Variants in MFGE8 observed in about 807,000 individuals in gnomAD.
MFGE8 encodes the protein milk fat globule EGF and factor V/VIII domain containing.
A neutral mutation model predicts 42.6 loss-of-function variants in MFGE8; 34 were observed. That is an observed-to-expected ratio of 0.80 (90% confidence interval 0.61 to 1.06). The LOEUF is 1.06. Among genes scored for constraint, MFGE8 ranks in the 50% least tolerant of loss-of-function variants. The probability of loss-of-function intolerance (pLI) is 0.00; values close to 1 mark genes in which losing one functional copy is unlikely to be tolerated. For missense variants in MFGE8, 510 were observed against 516.9 expected (o/e 0.99, Z 0.13); for synonymous variants, 230 against 214.8 (o/e 1.07, Z -0.62).
intron 2 of MFGE8, among the ~76,000 whole-genome samples, chr15:88,907,717 A>G (rs1345578817): frequency 9.7e-6 from 1 of 103,286 alleles, no homozygotes; most frequent in African/African-American, 3.9e-5. Flanking sequence ...CCCCCCCGCC[A>G]GGCTGTGGGA....
chr15:88,899,643 G>A lies in MFGE8; in HGVS notation c.1026+13C>T. 5 of 1,614,152 alleles carry A rather than the reference G, an allele frequency of 3.1e-6. No homozygotes were observed. In the South Asian group the frequency reaches 5.5e-5, roughly 18 times the overall value. On this transcript the variant is annotated intron_variant, in intron 7 of 7. Transcript: ENST00000268150. This position sits in a 1 kb window ranked among gnomAD's most constrained non-coding sequence, Gnocchi z 6.8. ...AGGAATGGCAAAGGGTGGGCAGCTG[G>A]ACAGACACCCACCTTACTGCTGCCA...
chr15:88,907,711 C>CCG (rs770816926), intron 2 of MFGE8, among the ~76,000 whole-genome samples: 9 of 151,250 alleles, frequency 6.0e-5, no homozygotes, highest in Non-Finnish European at 1.0e-4. Flanking sequence ...TAGAGTCCCC[C>CCG]CCGCCAGGCT....
Position 88,905,640 on chromosome 15 carries a change from C to A in MFGE8, c.685+117G>T. ...GTGCGTTGCCCGAGTGAAGCCTGGT[C>A]CCCGTGCCTTGTTGCTGCCCTACCT... On this transcript the variant is annotated intron_variant, in intron 5 of 7. Transcript: ENST00000268150. This position sits in a 1 kb window ranked among gnomAD's most constrained non-coding sequence, Gnocchi z 6.6. The A allele has an allele frequency of 1.4e-6, 2 of 1,402,312 alleles. No homozygotes were observed. The highest frequency in any genetic ancestry group is 1.2e-5 in the South Asian group (1 of 84,944). 86.9% of individuals were successfully genotyped at this position (1,402,312 alleles called of 1,614,324 possible). A position where few individuals can be genotyped will look rare whatever the true frequency, so the allele number is the denominator to read the frequency against.
chr15:88,908,973 G>A (rs4932450), intron 2 of MFGE8, among the ~76,000 whole-genome samples: 37,128 of 151,968 alleles, frequency 0.24, 4,930 homozygotes, highest in South Asian at 0.3. Flanking sequence ...GATGTCCCCT[G>A]TCCCCTACCC....
At chr15:88,911,949 T>TCATTGGCTTTA (rs1898980168) in intron 1 of MFGE8, among the ~76,000 whole-genome samples, 1 of 152,086 alleles carries the variant, frequency 6.6e-6, no homozygotes, top group African/African-American at 2.4e-5. Context: ...AAATAGCAGG[T>TCATTGGCTTTA]AATCCTTCCT....
chr15:88,899,888 A>G lies in MFGE8; in HGVS notation c.871-77T>C. 6.4e-7 allele frequency: 1 copy of G among 1,566,576 alleles called. No homozygotes were observed. Among genetic ancestry groups the G allele is most frequent in the South Asian group, 1.1e-5 (1 of 88,608 alleles). On this transcript the variant is annotated intron_variant, in intron 6 of 7. Transcript: ENST00000268150. This position sits in a 1 kb window ranked among gnomAD's most constrained non-coding sequence, Gnocchi z 6.8. ...TGAAAAGAGGCAGACACACTGAGGC[A>G]TGAATTCTAGTTTTGAAAAAAACTA... is the stretch of plus-strand genomic sequence containing the variant.
chr15:88,910,801 G>A (rs1030831156), intron 1 of MFGE8: 2 of 152,486 alleles, frequency 1.3e-5, no homozygotes, highest in Non-Finnish European at 2.9e-5. Flanking sequence ...GGCCAGACTG[G>A]GAGGGATCTG....
In MFGE8 at chr15:88,902,158, G is replaced by A. The variant is rs745561791; in HGVS notation, c.686-423C>T. 6 of 227,620 alleles carry A rather than the reference G, an allele frequency of 2.6e-5. No individual in the cohort carries two copies. Among genetic ancestry groups the A allele is most frequent in the East Asian group, 9.9e-5 (1 of 10,082 alleles). 14.1% of individuals were successfully genotyped at this position (227,620 alleles called of 1,614,324 possible). A position where few individuals can be genotyped will look rare whatever the true frequency, so the allele number is the denominator to read the frequency against. ...CCCCCATCGCCTCGGCCTCCCATCCGTCCCATGGCACAGTCACTATCTACT... is the reference window on the plus strand; with the variant it reads ...CCCCCATCGCCTCGGCCTCCCATCCATCCCATGGCACAGTCACTATCTACT... On this transcript the variant is annotated intron_variant, in intron 5 of 7. Transcript: ENST00000268150. The surrounding 1 kb of genome is among the most constrained non-coding windows in gnomAD (Gnocchi z 4.3).
At chr15:88,912,494 GA>G in intron 1 of MFGE8, 1 of 985,274 alleles carries the variant, frequency 1.0e-6, no homozygotes, top group South Asian at 4.7e-5. Flanking sequence ...TCCTGGCCCT[GA>G]CTCCCTCCCA....
intron 6 of MFGE8, 152 bp downstream of exon 6, chr15:88,901,399 G>T: frequency 1.4e-6 from 1 of 728,434 alleles, no homozygotes. Context: ...GTACAGGTGG[G>T]AAGAAGAAAG....
chr15:88,901,518 C>CCCCCCCCCCCAAA, intron 6 of MFGE8, 33 bp downstream of exon 6: 1 of 887,680 alleles, frequency 1.1e-6, no homozygotes, highest in Non-Finnish European at 1.8e-6. Flanking sequence ...TCCCACCCAA[C>CCCCCCCCCCCAAA]CCCAGCCCCA....
intron 1 of MFGE8, 54 bp downstream of exon 1, chr15:88,913,193 C>A: frequency 6.8e-7 from 1 of 1,477,866 alleles, no homozygotes; most frequent in Admixed American, 2.3e-5. Flanking sequence ...GGGCAAACTT[C>A]CGAGCGGCGC....
intron 6 of MFGE8, 43 bp downstream of exon 6, chr15:88,901,508 T>TGCCAC: frequency 9.7e-6 from 9 of 924,182 alleles, no homozygotes; most frequent in East Asian, 5.8e-5. Flanking sequence ...TCCCACCTCA[T>TGCCAC]CCCACCCAAC....
chr15:88,906,569 C>T lies in MFGE8; in HGVS notation c.540+57G>A, dbSNP rs749664891. 3 of 1,608,046 alleles carry T rather than the reference C, an allele frequency of 1.9e-6. No individual in the cohort carries two copies. Among genetic ancestry groups the T allele is most frequent in the South Asian group, 2.2e-5 (2 of 90,410 alleles). ...ACTCGCTGGGGGTCCTCAGTCAATG[C>T]TAGAACCTTAGGGGGTATGGACCAC... On this transcript the variant is annotated intron_variant, in intron 4 of 7. Transcript: ENST00000268150. The surrounding 1 kb of genome is among the most constrained non-coding windows in gnomAD (Gnocchi z 4.2).
At position 88,905,732 on chromosome 15, in the gene MFGE8, C is replaced by T. The variant is rs758077382; in HGVS notation, c.685+25G>A. On this transcript the variant is annotated intron_variant, in intron 5 of 7. Transcript: ENST00000268150. This position sits in a 1 kb window ranked among gnomAD's most constrained non-coding sequence, Gnocchi z 6.6. Reference sequence around the variant, plus strand: ...CTCCTAGGATTGGCCAACAGTGCCCCCCTACCCGCACCCCCAGCACTCACC... The same window carrying T: ...CTCCTAGGATTGGCCAACAGTGCCCTCCTACCCGCACCCCCAGCACTCACC... 1 of 1,613,770 alleles carries T rather than the reference C, an allele frequency of 6.2e-7. No homozygotes were observed. The highest frequency in any genetic ancestry group is 8.5e-7 in the Non-Finnish European group (1 of 1,179,974).
chr15:88,901,719 C>T lies in MFGE8; in HGVS notation c.702G>A (p.Leu234=), dbSNP rs764527680. Residue 234 remains leucine (L), a synonymous_variant, in exon 6 of 8, where the codon CTG becomes CTA. Transcript: ENST00000268150. ...CAGGGATGCTGTTATTCTTCAGGCC[C>T]AGGGGATTGGCGCATCCTGCCAGCA... ...GCELNGCANP[L]GLKNNSIPDK... 6.2e-7 allele frequency: 1 copy of T among 1,613,982 alleles called. No individual in the cohort carries two copies. The highest frequency in any genetic ancestry group is 8.5e-7 in the Non-Finnish European group (1 of 1,179,990).
At chr15:88,909,241 G>A (rs1208576115) in intron 2 of MFGE8, among the ~76,000 whole-genome samples, 1 of 152,198 alleles carries the variant, frequency 6.6e-6, no homozygotes, top group African/African-American at 2.4e-5. Flanking sequence ...GGCATGCAAG[G>A]CCTCTGACCA....
intron 6 of MFGE8, among the ~76,000 whole-genome samples, chr15:88,901,277 A>ATT (rs1567214933): frequency 4.9e-5 from 7 of 142,082 alleles, no homozygotes; most frequent in East Asian, 2.1e-4. Context: ...GCATTCACAC[A>ATT]CACTCACATT....
chr15:88,901,872 C>T (rs1309599938), intron 5 of MFGE8, 137 bp from the exon 6 acceptor site: 1 of 865,206 alleles, frequency 1.2e-6, no homozygotes, highest in Non-Finnish European at 1.9e-6. Flanking sequence ...AAAGCAGCTC[C>T]ATCCGCCTTG....
Sources: allele counts gnomAD v4.1 joint callset (sites outside exome capture counted in the v4.1 genomes callset), GRCh38; gene constraint gnomAD v4.1.1; non-coding constraint Gnocchi (gnomAD v3.1); transcripts MANE v1.5; gene names NCBI Gene and HGNC (gene_info 2026-07-23, HGNC 2026-07-21).